Variants in ZNF573 observed in about 807,000 individuals in gnomAD.
ZNF573 encodes zinc finger protein 573.
Under a neutral mutation model 57.4 loss-of-function variants are expected in ZNF573, and 41 were observed. The observed-to-expected ratio is 0.71, with a 90% CI of 0.56 to 0.93. The LOEUF (loss-of-function observed/expected upper bound fraction) is 0.93, where lower values mean the gene tolerates loss of function less well. Among genes scored for constraint, ZNF573 ranks in the 40% least tolerant of loss-of-function variants. ZNF573 has a pLI of 0.00. For missense variants in ZNF573, 730 were observed against 794.8 expected (o/e 0.92, Z 0.98); for synonymous variants, 249 against 261.0 (o/e 0.95, Z 0.44).
At chr19:37,750,366 G>T (rs2045421867) in intron 4 of ZNF573, among the ~76,000 whole-genome samples, 3 of 152,152 alleles carry the variant, frequency 2.0e-5, no homozygotes, top group Admixed American at 1.3e-4. Context: ...TTACAGGCAT[G>T]AGCCACTGCG....
At chr19:37,756,070 C>G (rs2045484928) in intron 4 of ZNF573, among the ~76,000 whole-genome samples, 1 of 152,190 alleles carries the variant, frequency 6.6e-6, no homozygotes, top group East Asian at 1.9e-4. Context: ...TGGCTGTCTC[C>G]TAATGACTGA....
intron 4 of ZNF573, among the ~76,000 whole-genome samples, chr19:37,756,796 T>C (rs2045491953): frequency 6.6e-6 from 1 of 151,844 alleles, no homozygotes; most frequent in Non-Finnish European, 1.5e-5. Flanking sequence ...ATTTTATATA[T>C]ATACAATATA....
chr19:37,766,476 C>T (rs2045603151), intron 4 of ZNF573, among the ~76,000 whole-genome samples: 1 of 152,226 alleles, frequency 6.6e-6, no homozygotes, highest in Admixed American at 6.5e-5. Flanking sequence ...GATCCATCAA[C>T]TCTTAAATGG....
rs1448433204 is a variant in ZNF573 at position 37,739,531 on chromosome 19, T to G, written c.959A>C (p.His320Pro). 4.3e-6 allele frequency: 7 copies of G among 1,613,146 alleles called. No homozygotes were observed. The highest frequency in any genetic ancestry group is 5.9e-6 in the Non-Finnish European group (7 of 1,179,692). Reference sequence around the variant, plus strand: ...CTTTTTACCAGTGTGAACTCTCTGATGTACAGTAAGCTGGTGACCTCTTCT... The same window carrying G: ...CTTTTTACCAGTGTGAACTCTCTGAGGTACAGTAAGCTGGTGACCTCTTCT... ...AFRRGHQLTVHQRVHTGKKPY... is the reference protein window; with the variant it reads ...AFRRGHQLTVPQRVHTGKKPY... Residue 320 changes from histidine to proline, a missense_variant, in exon 5 of 5, where the codon CAT becomes CCT. Physicochemically the swap from His to Pro is moderately conservative, Grantham distance 77 (BLOSUM62 -2). Transcript: ENST00000536220.
intron 4 of ZNF573, among the ~76,000 whole-genome samples, chr19:37,749,762 G>A (rs577113838): frequency 3.2e-4 from 49 of 152,154 alleles, no homozygotes; most frequent in Admixed American, 1.2e-3. Flanking sequence ...TCCAACCTAG[G>A]AGTGCTACCA....
chr19:37,765,113 C>A (rs2045590218), intron 4 of ZNF573, among the ~76,000 whole-genome samples: 1 of 151,832 alleles, frequency 6.6e-6, no homozygotes, highest in African/African-American at 2.4e-5. Flanking sequence ...ACCATGTTGG[C>A]CAGGCTGGTC....
intron 2 of ZNF573, 46 bp from the exon 3 acceptor site, chr19:37,771,742 G>A (rs761669499): frequency 7.0e-6 from 11 of 1,561,012 alleles, no homozygotes; most frequent in Admixed American, 2.2e-5. Flanking sequence ...TTTAAAGAAG[G>A]AAAGATAGGA....
At chr19:37,764,555 G>A (rs375650585) in intron 4 of ZNF573, among the ~76,000 whole-genome samples, 3 of 150,802 alleles carry the variant, frequency 2.0e-5, no homozygotes, top group South Asian at 2.1e-4. Flanking sequence ...TCTTGACCTC[G>A]TGATCTGCCC....
rs372911953 is a variant in ZNF573 at position 37,762,420 on chromosome 19, G to C, written c.295+7585C>G. 1.3e-4 allele frequency among the ~76,000 whole-genome samples: 20 copies of C among 152,110 alleles called. No individual in the cohort carries two copies. In the East Asian group the frequency reaches 1.3e-3, roughly 10 times the overall value. On this transcript the variant is annotated intron_variant, in intron 4 of 4. Transcript: ENST00000536220. Reference sequence around the variant, plus strand: ...TTCTTAGAGAATTGTGAAATCACTTGGGTAATGTGGGCAAAGGGTTAACAA... The same window carrying C: ...TTCTTAGAGAATTGTGAAATCACTTCGGTAATGTGGGCAAAGGGTTAACAA...
At chr19:37,743,101 G>A (rs1407274421) in intron 4 of ZNF573, among the ~76,000 whole-genome samples, 19 of 151,978 alleles carry the variant, frequency 1.3e-4, no homozygotes, top group Non-Finnish European at 2.4e-4. Context: ...GGTGGATCAC[G>A]AGGTCAGGAA....
chr19:37,770,832 T>TTATATTTATATATA (rs2045650023), intron 3 of ZNF573, among the ~76,000 whole-genome samples: 2 of 93,750 alleles, frequency 2.1e-5, no homozygotes, highest in African/African-American at 1.2e-4. Context: ...TTAAGTTATT[T>TTATATTTATATATA]TATATATATA....
Position 37,739,195 on chromosome 19 carries a change from T to A in ZNF573, c.1295A>T (p.His432Leu). 1 of 1,612,954 alleles carries A rather than the reference T, an allele frequency of 6.2e-7. No homozygotes were observed. Among genetic ancestry groups the A allele is most frequent in the Non-Finnish European group, 8.5e-7 (1 of 1,179,654 alleles). The change falls in exon 5 of 5, where the codon CAT becomes CTT. Residue 432 changes from histidine (H) to leucine (L), a missense_variant. Physicochemically the swap from His to Leu is moderately conservative, Grantham distance 99. Transcript: ENST00000536220. ...AFSLYGYLKQHQKIHTGMKHF... is the reference protein window; with the variant it reads ...AFSLYGYLKQLQKIHTGMKHF... ...TTTCATGCCAGTATGAATTTTCTGA[T>A]GTTGTTTAAGGTAGCCATACAAGCT...
chr19:37,748,820 C>T (rs572199952), intron 4 of ZNF573, among the ~76,000 whole-genome samples: 39 of 150,036 alleles, frequency 2.6e-4, no homozygotes, highest in Non-Finnish European at 5.2e-4. Context: ...CCAGCTAACT[C>T]GGAGGCTGAG....
chr19:37,741,796 A>T (rs891688410), intron 4 of ZNF573, among the ~76,000 whole-genome samples: 10 of 152,196 alleles, frequency 6.6e-5, no homozygotes, highest in African/African-American at 2.4e-4. Context: ...CACCACTCTT[A>T]TTCAACACAG....
rs1311370287 is a variant in ZNF573 at position 37,739,305 on chromosome 19, A to G, written c.1185T>C (p.Tyr395=). 2 of 1,613,966 alleles carry G rather than the reference A, an allele frequency of 1.2e-6. No individual in the cohort carries two copies. Among genetic ancestry groups the G allele is most frequent in the East Asian group, 2.2e-5 (1 of 44,882 alleles). The change falls in exon 5 of 5, where the codon TAT becomes TAC. Residue 395 remains tyrosine (Y), a synonymous_variant. Transcript: ENST00000536220. Reference sequence around the variant, plus strand: ...GTTGAAAGAGTTTTGAACCAGTAGTATAGGTCTTCCCACATTGCTTGCATT... The same window carrying G: ...GTTGAAAGAGTTTTGAACCAGTAGTGTAGGTCTTCCCACATTGCTTGCATT... ...LFECKQCGKT[Y]TTGSKLFQHQ...
At chr19:37,768,887 C>T (rs573375650) in intron 4 of ZNF573, among the ~76,000 whole-genome samples, 12 of 115,198 alleles carry the variant, frequency 1.0e-4, no homozygotes, top group African/African-American at 1.9e-4. Flanking sequence ...AGGATGGTCT[C>T]GATCTCCTGA....
At chr19:37,770,452 CAAAT>C (rs2145328773) in intron 3 of ZNF573, 1 of 191,422 alleles carries the variant, frequency 5.2e-6, no homozygotes, top group East Asian at 1.6e-4. Flanking sequence ...TCCAATTTGG[CAAAT>C]AAACTGGACA....
chr19:37,758,202 A>AATATAT (rs550290940), intron 4 of ZNF573, among the ~76,000 whole-genome samples: 7 of 17,188 alleles, frequency 4.1e-4, no homozygotes, highest in Admixed American at 8.1e-4. Flanking sequence ...AGTATAATAA[A>AATATAT]ATATATATAT....
intron 1 of ZNF573, among the ~76,000 whole-genome samples, chr19:37,777,520 T>G (rs1399347809): frequency 6.6e-6 from 1 of 152,126 alleles, no homozygotes; most frequent in Non-Finnish European, 1.5e-5. Context: ...TTGGAGACCA[T>G]TATTCTAAGT....
Sources: gnomAD v4.1 joint callset for allele counts (sites outside exome capture counted in the v4.1 genomes callset) on GRCh38, gnomAD v4.1.1 for gene constraint, MANE v1.5 for transcripts, NCBI Gene and HGNC (gene_info 2026-07-23, HGNC 2026-07-21) for gene names.